Variants in LTBP1 observed in about 807,000 individuals in gnomAD.
LTBP1 encodes latent-transforming growth factor beta-binding protein 1.
In LTBP1, 129 loss-of-function variants were observed where a neutral mutation model predicts 207.6. The observed-to-expected ratio is 0.62, with a 90% CI of 0.54 to 0.72. LTBP1 has a LOEUF of 0.72. Among genes scored for constraint, LTBP1 ranks in the 30% least tolerant of loss-of-function variants. The pLI, the probability that LTBP1 is intolerant of heterozygous loss-of-function variation, is 0.00. For missense variants in LTBP1, 2,281 were observed against 2,217.2 expected, an observed-to-expected ratio of 1.03 and a Z score of -0.58; for synonymous variants, 963 against 833.7, an observed-to-expected ratio of 1.16 and a Z score of -2.67.
At position 33,360,665 on chromosome 2, in the gene LTBP1, A is replaced by C. The variant is rs537789842; in HGVS notation, c.4069A>C (p.Ser1357Arg). Reference protein sequence around the residue: ...KECYYNLNDASLCDNVLAPNV... With the variant: ...KECYYNLNDARLCDNVLAPNV... ...ATGCTACTATAATCTCAATGACGCC[A>C]GTCTCTGTGATAATGTGTTGGCCCC... Residue 1357 changes from serine (S) to arginine (R), a missense_variant, in exon 27 of 34, where the codon AGT becomes CGT. Physicochemically the swap from Ser to Arg is moderately radical, Grantham distance 110. Transcript: ENST00000404816. 2.7e-5 allele frequency: 43 copies of C among 1,613,652 alleles called. No homozygotes were observed. In the South Asian group the frequency reaches 4.7e-4, roughly 18 times the overall value.
intron 3 of LTBP1, among the ~76,000 whole-genome samples, chr2:33,062,829 G>T (rs558600733): frequency 3.3e-5 from 5 of 152,352 alleles, no homozygotes; most frequent in Non-Finnish European, 5.9e-5. Flanking sequence ...AGTATGTGCA[G>T]TGTGGATATG....
At chr2:33,253,422 C>G (rs1454833614) in intron 11 of LTBP1, among the ~76,000 whole-genome samples, 3 of 152,118 alleles carry the variant, frequency 2.0e-5, no homozygotes, top group Non-Finnish European at 2.9e-5. Flanking sequence ...ACATAATTGC[C>G]TTATGCCCTG....
At chr2:33,013,325 C>T (rs2149123407) in intron 2 of LTBP1, among the ~76,000 whole-genome samples, 1 of 152,170 alleles carries the variant, frequency 6.6e-6, no homozygotes, top group East Asian at 1.9e-4. Flanking sequence ...TTAATTTGGA[C>T]ATTACCCTAT....
intron 10 of LTBP1, among the ~76,000 whole-genome samples, chr2:33,246,140 C>T (rs1485860097): frequency 1.3e-5 from 2 of 152,128 alleles, no homozygotes; most frequent in African/African-American, 4.8e-5. Flanking sequence ...TATTAAGAGA[C>T]GTTTGTTGCT....
intron 5 of LTBP1, among the ~76,000 whole-genome samples, chr2:33,185,802 G>A (rs987246941): frequency 3.9e-5 from 6 of 152,162 alleles, no homozygotes; most frequent in Non-Finnish European, 7.3e-5. Context: ...AGATTGTAGC[G>A]CATTGAGAAG....
At chr2:33,103,620 TGTGTGTGA>T (rs1193456017) in intron 3 of LTBP1, among the ~76,000 whole-genome samples, 52 of 142,210 alleles carry the variant, frequency 3.7e-4, no homozygotes, top group African/African-American at 7.2e-4. Flanking sequence ...TGTGTGTGTG[TGTGTGTGA>T]GTGTTATGCT....
At position 32,969,229 on chromosome 2, in the gene LTBP1, T is replaced by TGTGTGTGTG. The variant is rs575035380; in HGVS notation, c.565+20284_565+20285insGTGTGTGTG. Among the ~76,000 whole-genome samples the TGTGTGTGTG allele has an allele frequency of 4.7e-3, 613 of 131,710 alleles. 13 individuals carry two copies. Among genetic ancestry groups the TGTGTGTGTG allele is most frequent in the African/African-American group, 0.012 (404 of 34,276 alleles). The allele number at this position is 131,710 out of a possible 152,430, so 86.4% of individuals were successfully genotyped here. ...GTGTGAGCCATGGCACCTGGCCAAT[T>TGTGTGTGTG]TGTGTGTGTGTGTGTGTGTGTGTGT... On this transcript the variant is annotated intron_variant, in intron 2 of 33. Coordinates refer to ENST00000404816, the MANE Select transcript of LTBP1 (RefSeq NM_206943.4).
intron 2 of LTBP1, among the ~76,000 whole-genome samples, chr2:32,966,304 T>C (rs886414152): frequency 1.3e-5 from 2 of 152,200 alleles, no homozygotes; most frequent in Non-Finnish European, 2.9e-5. Flanking sequence ...CAGTGTCTTT[T>C]TCAGGACAGA....
intron 2 of LTBP1, among the ~76,000 whole-genome samples, chr2:32,978,566 A>G (rs1682204782): frequency 6.6e-6 from 1 of 151,852 alleles, no homozygotes; most frequent in South Asian, 2.1e-4. Flanking sequence ...GTCATGATGA[A>G]TGATCTTTTT....
chr2:33,270,539 G>A (rs1052288682), intron 15 of LTBP1, among the ~76,000 whole-genome samples: 4 of 140,250 alleles, frequency 2.9e-5, no homozygotes, highest in African/African-American at 8.0e-5. Flanking sequence ...GCACTGAGCC[G>A]AGATCGTGCC....
chr2:33,266,066 C>T (rs895872753), intron 15 of LTBP1, among the ~76,000 whole-genome samples: 1 of 152,226 alleles, frequency 6.6e-6, no homozygotes, highest in African/African-American at 2.4e-5. Context: ...CATCCCTGCA[C>T]TCTAAGGGGC....
At chr2:33,316,779 A>G (rs928643265) in intron 24 of LTBP1, among the ~76,000 whole-genome samples, 13 of 152,320 alleles carry the variant, frequency 8.5e-5, no homozygotes, top group African/African-American at 2.9e-4. Flanking sequence ...AGATTACAGT[A>G]TTCCTCAGCT....
chr2:33,004,814 T>TAA (rs1553365261), intron 2 of LTBP1, among the ~76,000 whole-genome samples: 33 of 136,564 alleles, frequency 2.4e-4, no homozygotes, highest in Non-Finnish European at 5.0e-4. Context: ...TATATATATA[T>TAA]AAACATAAAA....
chr2:33,248,887 A>G (rs1456519801), intron 10 of LTBP1, among the ~76,000 whole-genome samples: 1 of 152,082 alleles, frequency 6.6e-6, no homozygotes, highest in Admixed American at 6.6e-5. Context: ...GCGCCCAGCC[A>G]TGAAATGGTT....
chr2:33,020,434 A>G (rs1042568137), intron 2 of LTBP1, among the ~76,000 whole-genome samples: 4 of 152,216 alleles, frequency 2.6e-5, no homozygotes, highest in Non-Finnish European at 5.9e-5. Flanking sequence ...GCCACAGAAC[A>G]TAACTTTAAA....
intron 24 of LTBP1, among the ~76,000 whole-genome samples, chr2:33,331,729 C>T (rs2094496203): frequency 1.3e-5 from 2 of 152,102 alleles, no homozygotes; most frequent in South Asian, 2.1e-4. Flanking sequence ...TTAAAATCAT[C>T]TATATCCCTA....
intron 20 of LTBP1, among the ~76,000 whole-genome samples, chr2:33,298,393 T>C (rs1056538413): frequency 2.2e-4 from 34 of 152,262 alleles, no homozygotes; most frequent in African/African-American, 7.9e-4. Context: ...GAATGGAGGG[T>C]CTATCTCTGT....
At chr2:33,282,680 A>G (rs567469811) in intron 19 of LTBP1, among the ~76,000 whole-genome samples, 199 of 152,316 alleles carry the variant, frequency 1.3e-3, no homozygotes, top group African/African-American at 4.6e-3. Context: ...TGAGCTCATC[A>G]CTAACATAAC....
rs1279563067 is a variant in LTBP1 at position 33,315,240 on chromosome 2, C to T, written c.3701C>T (p.Ser1234Leu). The change falls in exon 24 of 34, where the codon TCA becomes TTA. Residue 1234 changes from serine (S) to leucine (L), a missense_variant. Ser to Leu is a moderately radical substitution (Grantham distance 145). Transcript: ENST00000404816. ...CATTGTGTCTGCCAGCAGGGTTTCTCAATCTCTGCAGATGGCCGTACGTGT... is the reference window on the plus strand; with the variant it reads ...CATTGTGTCTGCCAGCAGGGTTTCTTAATCTCTGCAGATGGCCGTACGTGT... ...SFHCVCQQGF[S>L]ISADGRTCED... 6.2e-7 allele frequency: 1 copy of T among 1,613,460 alleles called. No individual in the cohort carries two copies. Among genetic ancestry groups the T allele is most frequent in the Non-Finnish European group, 8.5e-7 (1 of 1,179,866 alleles).
Sources: allele counts gnomAD v4.1 joint callset (sites outside exome capture counted in the v4.1 genomes callset), GRCh38; gene constraint gnomAD v4.1.1; transcripts MANE v1.5; gene names NCBI Gene and HGNC (gene_info 2026-07-23, HGNC 2026-07-21).